RNF182: variants seen among roughly 807,000 people sequenced by gnomAD.
The protein encoded by RNF182 is ring finger protein 182, also known as E3 ubiquitin-protein ligase RNF182.
Under a neutral mutation model 14.4 loss-of-function variants are expected in RNF182, and 15 were observed. That is an observed-to-expected ratio of 1.04 (90% CI 0.70 to 1.60). The LOEUF (loss-of-function observed/expected upper bound fraction) is 1.60. RNF182 is among the 40% of genes most tolerant of loss of function. RNF182 has a pLI of 0.00. For missense variants in RNF182, 268 were observed against 294.8 expected, an observed-to-expected ratio of 0.91 and a Z score of 0.67; for synonymous variants, 128 against 122.9, an observed-to-expected ratio of 1.04 and a Z score of -0.27.
chr6:13,978,086 G>GATCTA lies in RNF182; in HGVS notation c.*223_*224insATCTA. On this transcript the variant is annotated 3_prime_UTR_variant, in exon 3 of 3. Transcript: ENST00000488300. ...ATTGTATAAGCTCACACTTCATGGA[G>GATCTA]CACTGACAGCAGTGAGTCTTCCCAG... is the stretch of plus-strand genomic sequence containing the variant. The GATCTA allele has an allele frequency of 1.8e-5, 9 of 487,884 alleles. No individual in the cohort carries two copies. Among genetic ancestry groups the GATCTA allele is most frequent in the South Asian group, 9.6e-5 (3 of 31,246 alleles). The allele number at this position is 487,884 out of a possible 1,614,324, so 30.2% of individuals were successfully genotyped here. A position where few individuals can be genotyped will look rare whatever the true frequency, so the allele number is the denominator to read the frequency against.
At chr6:13,933,726 G>A (rs1041426860) in intron 1 of RNF182, among the ~76,000 whole-genome samples, 1 of 152,098 alleles carries the variant, frequency 6.6e-6, no homozygotes, top group Non-Finnish European at 1.5e-5. Flanking sequence ...ATTTTCAGCA[G>A]TTAAAGTGAG....
intron 1 of RNF182, among the ~76,000 whole-genome samples, chr6:13,954,359 C>CA (rs978538903): frequency 4.7e-4 from 71 of 152,294 alleles, no homozygotes; most frequent in African/African-American, 1.6e-3. Context: ...TCCCCTTCCC[C>CA]ATTGGTTGGT....
chr6:13,962,326 C>G (rs1759903685), intron 1 of RNF182, among the ~76,000 whole-genome samples: 1 of 152,092 alleles, frequency 6.6e-6, no homozygotes, highest in African/African-American at 2.4e-5. Context: ...AATTGGGTGT[C>G]AGAGAGATGG....
chr6:13,955,622 A>G (rs559927825), intron 1 of RNF182, among the ~76,000 whole-genome samples: 45 of 152,358 alleles, frequency 3.0e-4, no homozygotes, highest in Admixed American at 7.2e-4. Flanking sequence ...TAACAGTTGC[A>G]CAGCAACCAC....
chr6:13,968,456 A>G (rs1222679823), intron 1 of RNF182, among the ~76,000 whole-genome samples: 3 of 152,254 alleles, frequency 2.0e-5, no homozygotes, highest in Admixed American at 2.0e-4. Context: ...ATGGAATCAT[A>G]TGAAATTACA....
intron 1 of RNF182, among the ~76,000 whole-genome samples, chr6:13,930,296 A>G (rs1172643583): frequency 6.6e-6 from 1 of 152,198 alleles, no homozygotes; most frequent in Non-Finnish European, 1.5e-5. Flanking sequence ...GGACTTGAGC[A>G]TCCTCAGATT....
chr6:13,964,238 G>A (rs1759955829), intron 1 of RNF182, among the ~76,000 whole-genome samples: 1 of 152,168 alleles, frequency 6.6e-6, no homozygotes, highest in Admixed American at 6.5e-5. Flanking sequence ...TGGATTCTTA[G>A]AATGAGACAG....
At chr6:13,956,232 T>C (rs1473358195) in intron 1 of RNF182, among the ~76,000 whole-genome samples, 1 of 152,188 alleles carries the variant, frequency 6.6e-6, no homozygotes, top group African/African-American at 2.4e-5. Context: ...TTGGCTATTG[T>C]AATAGTGACC....
chr6:13,950,898 G>A (rs1186076429), intron 1 of RNF182, among the ~76,000 whole-genome samples: 1 of 151,750 alleles, frequency 6.6e-6, no homozygotes, highest in African/African-American at 2.4e-5. Context: ...TTGGGTTCAA[G>A]TGATTCTCCT....
intron 1 of RNF182, among the ~76,000 whole-genome samples, chr6:13,960,697 G>GCGCGCA (rs140903588): frequency 0.16 from 23,427 of 149,630 alleles, 1,968 homozygotes; most frequent in East Asian, 0.2. Flanking sequence ...GTGTGTGCGC[G>GCGCGCA]CGTGCACATG....
Position 13,977,501 on chromosome 6 carries a change from T to A in RNF182, c.382T>A (p.Cys128Ser), listed in dbSNP as rs1683004554. The change falls in exon 3 of 3, where the codon TGC becomes AGC. Residue 128 changes from cysteine (C) to serine (S), a missense_variant. Physicochemically the swap from Cys to Ser is moderately radical, Grantham distance 112 (BLOSUM62 -1). Coordinates refer to ENST00000488300, the MANE Select transcript of RNF182 (RefSeq NM_152737.4). ...LVSPSHTSSN[C>S]LVITIMEVQR... ...CAGTCCTTCTCACACGTCCTCCAAC[T>A]GCCTGGTCATAACCATCATGGAGGT... 1 of 1,614,094 alleles carries A rather than the reference T, an allele frequency of 6.2e-7. No homozygotes were observed. The highest frequency in any genetic ancestry group is 8.5e-7 in the Non-Finnish European group (1 of 1,180,036).
intron 1 of RNF182, among the ~76,000 whole-genome samples, chr6:13,966,230 TACTC>T (rs766614179): frequency 2.6e-5 from 4 of 152,114 alleles, no homozygotes; most frequent in Non-Finnish European, 5.9e-5. Context: ...CTGACAAAGA[TACTC>T]AATAATACAA....
rs1554126701 is a variant in RNF182 at position 13,960,697 on chromosome 6, G to GTGCGCGCA, written c.-366-13513_-366-13512insTGCGCGCA. 7.8e-3 allele frequency among the ~76,000 whole-genome samples: 1,165 copies of GTGCGCGCA among 149,838 alleles called. 11 individuals carry two copies. Among genetic ancestry groups the GTGCGCGCA allele is most frequent in the Middle Eastern group, 0.014 (4 of 294 alleles). ...TGTGTGTGTGTGTGTGTGTGTGCGCGCGTGCACATGCATGTGATGTACAGT... is the reference window on the plus strand; with the variant it reads ...TGTGTGTGTGTGTGTGTGTGTGCGCGTGCGCGCACGTGCACATGCATGTGATGTACAGT... On this transcript the variant is annotated intron_variant, in intron 1 of 2. Coordinates refer to ENST00000488300, the MANE Select transcript of RNF182 (RefSeq NM_152737.4).
At chr6:13,953,554 T>C (rs1228255720) in intron 1 of RNF182, among the ~76,000 whole-genome samples, 1 of 151,868 alleles carries the variant, frequency 6.6e-6, no homozygotes, top group African/African-American at 2.4e-5. Context: ...TATTCACGAG[T>C]CATGGAATAG....
intron 1 of RNF182, among the ~76,000 whole-genome samples, chr6:13,937,355 G>C (rs1759158368): frequency 6.6e-6 from 1 of 152,172 alleles, no homozygotes; most frequent in Non-Finnish European, 1.5e-5. Context: ...CCCATAGTCT[G>C]AATTCTAACA....
At chr6:13,974,879 A>G in intron 2 of RNF182, among the ~76,000 whole-genome samples, 1 of 152,178 alleles carries the variant, frequency 6.6e-6, no homozygotes, top group Non-Finnish European at 1.5e-5. Flanking sequence ...CACATACCTC[A>G]GTCCTTTCTA....
At position 13,977,584 on chromosome 6, in the gene RNF182, T is replaced by C; in HGVS notation, c.465T>C (p.Pro155=). 6.2e-7 allele frequency: 1 copy of C among 1,614,186 alleles called. No homozygotes were observed. Among genetic ancestry groups the C allele is most frequent in the Non-Finnish European group, 8.5e-7 (1 of 1,180,020 alleles). The change falls in exon 3 of 3, where the codon CCT becomes CCC. Residue 155 remains proline (P), a synonymous_variant. Transcript: ENST00000488300. ...CTCCTGTGGTAGAATTTTATAGGCC[T>C]GCGAGTTTCGACTCTGTCACCACTG... ...SSTPVVEFYR[P]ASFDSVTTVS...
chr6:13,932,304 A>G (rs535482957), intron 1 of RNF182, among the ~76,000 whole-genome samples: 41 of 152,238 alleles, frequency 2.7e-4, no homozygotes, highest in Middle Eastern at 3.4e-3. Context: ...CAAAAATCTA[A>G]TTTTCTTTAG....
At chr6:13,948,252 G>A (rs1239802920) in intron 1 of RNF182, among the ~76,000 whole-genome samples, 1 of 152,046 alleles carries the variant, frequency 6.6e-6, no homozygotes, top group Non-Finnish European at 1.5e-5. Context: ...ACTTGTCAGA[G>A]TCCTATAACT....
Sources: gnomAD v4.1 joint callset for allele counts (sites outside exome capture counted in the v4.1 genomes callset) on GRCh38, gnomAD v4.1.1 for gene constraint, MANE v1.5 for transcripts, NCBI Gene and HGNC (gene_info 2026-07-23, HGNC 2026-07-21) for gene names.